Variants in ADAMTS2 observed in about 807,000 individuals in gnomAD.
The protein encoded by ADAMTS2 is A disintegrin and metalloproteinase with thrombospondin motifs 2.
A neutral mutation model predicts 123.0 loss-of-function variants in ADAMTS2; 50 were observed. The ratio of observed to expected loss-of-function variants is 0.41; its 90% confidence interval spans 0.32 to 0.51. The LOEUF (loss-of-function observed/expected upper bound fraction) is 0.51. ADAMTS2 is among the 20% of genes least tolerant of loss of function. ADAMTS2 has a pLI of 0.35. For synonymous variants in ADAMTS2, 678 were observed against 695.4 expected (o/e 0.98, Z 0.39); for missense variants, 1,494 against 1,705.2 (o/e 0.88, Z 2.18).
chr5:179,141,629 C>T (rs1474245958), intron 10 of ADAMTS2, among the ~76,000 whole-genome samples: 1 of 152,126 alleles, frequency 6.6e-6, no homozygotes, highest in Non-Finnish European at 1.5e-5. Context: ...GCATTGGAGC[C>T]ACAGCCCTCC....
intron 3 of ADAMTS2, among the ~76,000 whole-genome samples, chr5:179,219,786 G>C (rs1765081886): frequency 6.6e-6 from 1 of 152,080 alleles, no homozygotes; most frequent in African/African-American, 2.4e-5. Flanking sequence ...CCCAGGGCTG[G>C]GGCCTCCTGT....
In ADAMTS2 at chr5:179,332,104, A is replaced by T. The variant is rs529824278; in HGVS notation, c.534+11663T>A. 1.3e-5 allele frequency among the ~76,000 whole-genome samples: 2 copies of T among 152,358 alleles called. No individual in the cohort carries two copies. The highest frequency in any genetic ancestry group is 4.1e-4 in the South Asian group (2 of 4,828). On this transcript the variant is annotated intron_variant, in intron 2 of 21. Transcript: ENST00000251582. The surrounding 1 kb of genome is among the most constrained non-coding windows in gnomAD (Gnocchi z 4.2). Reference sequence around the variant, plus strand: ...GTGCAAAAGTAACTGTGACCTTGGAATCAGACAGACATGTGTTCATTAATA... The same window carrying T: ...GTGCAAAAGTAACTGTGACCTTGGATTCAGACAGACATGTGTTCATTAATA...
chr5:179,202,033 T>C lies in ADAMTS2; in HGVS notation c.891+5480A>G, dbSNP rs1227792129. The stretch of plus-strand genomic sequence containing the variant: ...CGCTTCCCTTCTGGCAAGTCTGAGA[T>C]GAAAAGGGCAGCTTCATCTTTCCCA... On this transcript the variant is annotated intron_variant, in intron 4 of 21. Coordinates refer to ENST00000251582, the MANE Select transcript of ADAMTS2 (RefSeq NM_014244.5). This position sits in a 1 kb window ranked among gnomAD's most constrained non-coding sequence, Gnocchi z 4.0. Among the ~76,000 whole-genome samples, 1 of 152,142 alleles carries C rather than the reference T, an allele frequency of 6.6e-6. No individual in the cohort carries two copies. The highest frequency in any genetic ancestry group is 1.5e-5 in the Non-Finnish European group (1 of 68,026).
At chr5:179,295,111 G>A (rs1164888003) in intron 2 of ADAMTS2, among the ~76,000 whole-genome samples, 1 of 152,268 alleles carries the variant, frequency 6.6e-6, no homozygotes, top group East Asian at 1.9e-4. Flanking sequence ...GAGCCTGAGA[G>A]CATCTGGCAC....
chr5:179,275,252 A>T (rs547172890), intron 2 of ADAMTS2, among the ~76,000 whole-genome samples: 29 of 151,958 alleles, frequency 1.9e-4, no homozygotes, highest in African/African-American at 7.0e-4. Flanking sequence ...CACCTGGGAG[A>T]GGGGTAATGG....
At chr5:179,286,888 C>T (rs1756037507) in intron 2 of ADAMTS2, among the ~76,000 whole-genome samples, 1 of 152,208 alleles carries the variant, frequency 6.6e-6, no homozygotes, top group Non-Finnish European at 1.5e-5. Flanking sequence ...CCTGTGTGTA[C>T]TTCTGTCCTA....
chr5:179,245,787 A>AAAAAAAAACAAAAAAAAC (rs1561628588), intron 3 of ADAMTS2, among the ~76,000 whole-genome samples: 67 of 76,174 alleles, frequency 8.8e-4, no homozygotes, highest in African/African-American at 3.0e-3. Context: ...AAAAAAAAAA[A>AAAAAAAAACAAAAAAAAC]AAAAAAAACA....
At position 179,117,917 on chromosome 5, in the gene ADAMTS2, C is replaced by T. The variant is rs2113169751; in HGVS notation, c.3179-3593G>A. Among the ~76,000 whole-genome samples the T allele has an allele frequency of 6.6e-6, 1 of 152,256 alleles. No homozygotes were observed. Among genetic ancestry groups the T allele is most frequent in the South Asian group, 2.1e-4 (1 of 4,818 alleles). ...GACAGAGACCATGTGGGCTCCAATG[C>T]CCAAAATATTGACTACCTGGCCCTT... On this transcript the variant is annotated intron_variant, in intron 21 of 21. Coordinates refer to ENST00000251582, the MANE Select transcript of ADAMTS2 (RefSeq NM_014244.5). The surrounding 1 kb of genome is among the most constrained non-coding windows in gnomAD (Gnocchi z 4.2).
At chr5:179,114,384 C>T in intron 21 of ADAMTS2, 60 bp from the exon 22 acceptor site, 1 of 1,527,916 alleles carries the variant, frequency 6.5e-7, no homozygotes, top group Non-Finnish European at 8.9e-7. Context: ...TTTGTTCCCC[C>T]ACAGGGTGCA....
intron 2 of ADAMTS2, among the ~76,000 whole-genome samples, chr5:179,306,852 A>G (rs936869386): frequency 6.6e-6 from 1 of 152,184 alleles, no homozygotes; most frequent in African/African-American, 2.4e-5. Context: ...ACTCCATGAG[A>G]TCGAGTCTCA....
chr5:179,269,438 T>C (rs996298880), intron 3 of ADAMTS2, among the ~76,000 whole-genome samples: 4 of 152,088 alleles, frequency 2.6e-5, no homozygotes, highest in Non-Finnish European at 5.9e-5. Flanking sequence ...GAAAGGCACG[T>C]CTCACATGGC....
chr5:179,113,816 A>C lies in ADAMTS2; in HGVS notation c.*51T>G. On this transcript the variant is annotated 3_prime_UTR_variant, in exon 22 of 22. Coordinates refer to ENST00000251582, the MANE Select transcript of ADAMTS2 (RefSeq NM_014244.5). ...GACACAGGATTTGCTATCCCATGGA[A>C]TATCTCTATAAGCAAGAAAAAAATG... 6.4e-7 allele frequency: 1 copy of C among 1,561,040 alleles called. No individual in the cohort carries two copies. Among genetic ancestry groups the C allele is most frequent in the South Asian group, 1.1e-5 (1 of 89,838 alleles).
intron 10 of ADAMTS2, among the ~76,000 whole-genome samples, chr5:179,145,572 T>A (rs1016112927): frequency 6.6e-6 from 1 of 152,208 alleles, no homozygotes; most frequent in Admixed American, 6.5e-5. Flanking sequence ...ATGAGCCCTG[T>A]GAACATTATG....
In ADAMTS2 at chr5:179,154,839, C is replaced by A. The variant is rs1369929230; in HGVS notation, c.1213G>T (p.Val405Leu). ...ACGTGGCCAGTCTCATGGGCCACCA[C>A]AAACGCTGAGGAGAAGCCGTCCTCA... Reference protein sequence around the residue: ...NHEDGFSSAFVVAHETGHVLG... With the variant: ...NHEDGFSSAFLVAHETGHVLG... Residue 405 changes from valine (V) to leucine (L), a missense_variant, in exon 7 of 22, where the codon GTG (valine) becomes TTG (leucine). Val to Leu is a conservative substitution (Grantham distance 32, BLOSUM62 1). This residue lies in a region of ADAMTS2 where 47 missense variants were observed against 92.7 expected (regional missense o/e 0.51). Transcript: ENST00000251582. The A allele has an allele frequency of 6.2e-7, 1 of 1,613,012 alleles. No homozygotes were observed. Among genetic ancestry groups the A allele is most frequent in the Non-Finnish European group, 8.5e-7 (1 of 1,179,712 alleles).
chr5:179,133,978 C>T (rs1441466131), intron 13 of ADAMTS2, among the ~76,000 whole-genome samples: 1 of 152,020 alleles, frequency 6.6e-6, no homozygotes, highest in Non-Finnish European at 1.5e-5. Flanking sequence ...TCCCAAAGTG[C>T]TGGGATTACA....
At chr5:179,140,979 T>A (rs1009348746) in intron 10 of ADAMTS2, among the ~76,000 whole-genome samples, 6 of 151,668 alleles carry the variant, frequency 4.0e-5, no homozygotes, top group African/African-American at 1.5e-4. Flanking sequence ...TTTGCATTTT[T>A]TTTTTTTTTA....
At chr5:179,156,647 C>T (rs912837669) in intron 6 of ADAMTS2, among the ~76,000 whole-genome samples, 34 of 152,104 alleles carry the variant, frequency 2.2e-4, no homozygotes, top group African/African-American at 8.2e-4. Context: ...CGTGAGCCAC[C>T]GCGCCCCGTC....
At chr5:179,244,419 T>C (rs1481780001) in intron 3 of ADAMTS2, among the ~76,000 whole-genome samples, 1 of 152,186 alleles carries the variant, frequency 6.6e-6, no homozygotes, top group Non-Finnish European at 1.5e-5. Flanking sequence ...AGAACTATTT[T>C]TCAAAATTAA....
At chr5:179,240,134 T>C (rs1233864776) in intron 3 of ADAMTS2, among the ~76,000 whole-genome samples, 1 of 151,956 alleles carries the variant, frequency 6.6e-6, no homozygotes, top group Non-Finnish European at 1.5e-5. Flanking sequence ...GGAGCAGATG[T>C]TGGAGGTGTT....
Sources: gnomAD v4.1 joint callset for allele counts (sites outside exome capture counted in the v4.1 genomes callset) on GRCh38, gnomAD v4.1.1 for gene constraint, gnomAD v4.1.1 regional missense constraint, Gnocchi (gnomAD v3.1) non-coding constraint, MANE v1.5 for transcripts, NCBI Gene and HGNC (gene_info 2026-07-23, HGNC 2026-07-21) for gene names.